Variants in B3GALT1 observed in about 807,000 individuals in gnomAD.
B3GALT1 encodes beta-1,3-galactosyltransferase 1, also known as UDP-Gal:betaGlcNAc beta 1,3-galactosyltransferase, polypeptide 1.
In B3GALT1, 10 loss-of-function variants were observed where a neutral mutation model predicts 23.2. The ratio of observed to expected loss-of-function variants is 0.43; its 90% confidence interval spans 0.27 to 0.73. The LOEUF (loss-of-function observed/expected upper bound fraction) is 0.73, where lower values mean the gene tolerates loss of function less well. Among genes scored for constraint, B3GALT1 ranks in the 30% least tolerant of loss-of-function variants. The probability of loss-of-function intolerance (pLI) is 0.21; values close to 1 mark genes in which losing one functional copy is unlikely to be tolerated. For synonymous variants in B3GALT1, 156 were observed against 141.5 expected (o/e 1.10, Z -0.73); for missense variants, 299 against 405.4 (o/e 0.74, Z 2.25).
At chr2:167,621,316 G>A (rs1685254341) in intron 2 of B3GALT1, among the ~76,000 whole-genome samples, 2 of 151,776 alleles carry the variant, frequency 1.3e-5, no homozygotes, top group African/African-American at 2.4e-5. Context: ...GAACTCCTAA[G>A]TTCTAGTGAT....
At chr2:167,576,753 C>G (rs1015940061) in intron 2 of B3GALT1, among the ~76,000 whole-genome samples, 1 of 151,330 alleles carries the variant, frequency 6.6e-6, no homozygotes, top group Non-Finnish European at 1.5e-5. Flanking sequence ...TGTGTGGTCT[C>G]CATTTGCATA....
At chr2:167,447,264 C>T (rs1165319245) in intron 1 of B3GALT1, among the ~76,000 whole-genome samples, 5 of 152,162 alleles carry the variant, frequency 3.3e-5, no homozygotes, top group African/African-American at 2.4e-5. Flanking sequence ...AGGTGTCAGT[C>T]GGCCCCTACT....
chr2:167,406,209 T>A (rs1324380806), intron 1 of B3GALT1, among the ~76,000 whole-genome samples: 1 of 152,098 alleles, frequency 6.6e-6, no homozygotes, highest in Admixed American at 6.5e-5. Flanking sequence ...ATAAAGCTTT[T>A]AAAAAGAAAT....
intron 1 of B3GALT1, among the ~76,000 whole-genome samples, chr2:167,471,215 A>T (rs1284741204): frequency 6.6e-6 from 1 of 152,152 alleles, no homozygotes; most frequent in Non-Finnish European, 1.5e-5. Context: ...ATTAATTAGC[A>T]GATAGTAAAA....
chr2:167,340,648 A>T (rs1472538573), intron 1 of B3GALT1, among the ~76,000 whole-genome samples: 4 of 152,206 alleles, frequency 2.6e-5, no homozygotes, highest in Middle Eastern at 3.2e-3. Context: ...AACTCTTTTC[A>T]TGGCTCCTTT....
At chr2:167,319,021 C>T (rs749319519) in intron 1 of B3GALT1, among the ~76,000 whole-genome samples, 18 of 152,180 alleles carry the variant, frequency 1.2e-4, no homozygotes, top group Non-Finnish European at 2.1e-4. Context: ...AGGAAGCTTA[C>T]TTCCAGTGGA....
At position 167,467,107 on chromosome 2, in the gene B3GALT1, AT is replaced by A. The variant is rs531008946; in HGVS notation, c.-510-23059del. On this transcript the variant is annotated intron_variant, in intron 1 of 4. Transcript: ENST00000392690. Reference sequence around the variant, plus strand: ...CCGGATGGATGCAAATTTGTCTACAATTTTTTTTTTTAGTCAACGTAATCAC... The same window carrying A: ...CCGGATGGATGCAAATTTGTCTACAATTTTTTTTTTAGTCAACGTAATCAC... 1.3e-3 allele frequency among the ~76,000 whole-genome samples: 195 copies of A among 146,126 alleles called. 1 individual carries two copies. The South Asian group carries it at 0.015, about 11-fold the overall frequency.
rs183349062 is a variant in B3GALT1 at position 167,870,827 on chromosome 2, T to C, written c.*807T>C. ...CTTCCTTCCAGACAGTGTCGCTAAG[T>C]GCATTTCACAGTTTTTGGATCTGGC... On this transcript the variant is annotated 3_prime_UTR_variant, in exon 5 of 5. Coordinates refer to ENST00000392690, the MANE Select transcript of B3GALT1 (RefSeq NM_020981.4). The C allele has an allele frequency of 6.0e-6, 1 of 167,024 alleles. No homozygotes were observed. Among genetic ancestry groups the C allele is most frequent in the African/African-American group, 2.4e-5 (1 of 41,432 alleles). 10.3% of individuals were successfully genotyped at this position (167,024 alleles called of 1,614,324 possible).
intron 2 of B3GALT1, among the ~76,000 whole-genome samples, chr2:167,584,461 T>C (rs1684551449): frequency 6.6e-6 from 1 of 152,188 alleles, no homozygotes; most frequent in Admixed American, 6.5e-5. Context: ...TGACATCAGA[T>C]GAATGGGGAC....
At chr2:167,575,617 T>C (rs539375798) in intron 2 of B3GALT1, among the ~76,000 whole-genome samples, 5 of 151,954 alleles carry the variant, frequency 3.3e-5, no homozygotes, top group African/African-American at 1.2e-4. Flanking sequence ...CATCTCTATC[T>C]TGTGTCTGAG....
intron 2 of B3GALT1, among the ~76,000 whole-genome samples, chr2:167,529,409 T>A (rs1000649674): frequency 6.6e-6 from 1 of 151,848 alleles, no homozygotes; most frequent in Non-Finnish European, 1.5e-5. Context: ...TCTACACTAG[T>A]GCCACATTCT....
chr2:167,682,436 C>T (rs1253325352), intron 3 of B3GALT1, among the ~76,000 whole-genome samples: 5 of 152,194 alleles, frequency 3.3e-5, no homozygotes, highest in Admixed American at 6.5e-5. Context: ...TTAAAATGCT[C>T]TGCCCTCTTC....
At chr2:167,703,952 C>T (rs529589014) in intron 3 of B3GALT1, among the ~76,000 whole-genome samples, 167 of 152,100 alleles carry the variant, frequency 1.1e-3, no homozygotes, top group African/African-American at 3.0e-3. Context: ...GAGGCCAAGG[C>T]GGGCGGATCA....
At chr2:167,638,349 T>C (rs1416882457) in intron 2 of B3GALT1, among the ~76,000 whole-genome samples, 1 of 152,112 alleles carries the variant, frequency 6.6e-6, no homozygotes, top group African/African-American at 2.4e-5. Flanking sequence ...AAACACAGTT[T>C]AATGATATGA....
At chr2:167,474,443 G>A (rs7567252) in intron 1 of B3GALT1, among the ~76,000 whole-genome samples, 4,663 of 152,166 alleles carry the variant, frequency 0.031, 219 homozygotes, top group African/African-American at 0.11. Context: ...CTTCATTCCT[G>A]TGAAACGGGT....
intron 1 of B3GALT1, among the ~76,000 whole-genome samples, chr2:167,398,358 T>C (rs1698129466): frequency 6.6e-6 from 1 of 152,080 alleles, no homozygotes; most frequent in African/African-American, 2.4e-5. Context: ...CTTTTCTCTC[T>C]CCCTTCCTTC....
chr2:167,308,136 T>C (rs557387441), intron 1 of B3GALT1, among the ~76,000 whole-genome samples: 2 of 152,164 alleles, frequency 1.3e-5, no homozygotes, highest in East Asian at 3.9e-4. Context: ...GAATACTTAA[T>C]AAAACCTTAG....
At chr2:167,467,899 G>T (rs750505326) in intron 1 of B3GALT1, among the ~76,000 whole-genome samples, 5 of 152,058 alleles carry the variant, frequency 3.3e-5, no homozygotes, top group Admixed American at 1.3e-4. Context: ...TATGACATTG[G>T]GGTAAAGCAA....
At chr2:167,763,460 AGAG>A (rs1255705535) in intron 3 of B3GALT1, among the ~76,000 whole-genome samples, 2 of 152,282 alleles carry the variant, frequency 1.3e-5, no homozygotes, top group Non-Finnish European at 2.9e-5. Context: ...TTGAGACAAA[AGAG>A]GAGAAAAATT....
Sources: allele counts gnomAD v4.1 joint callset (sites outside exome capture counted in the v4.1 genomes callset), GRCh38; gene constraint gnomAD v4.1.1; transcripts MANE v1.5; gene names NCBI Gene and HGNC (gene_info 2026-07-23, HGNC 2026-07-21).